Variants in MYO7A observed in about 807,000 individuals in gnomAD.
MYO7A encodes unconventional myosin-VIIa.
A neutral mutation model predicts 263.8 loss-of-function variants in MYO7A; 210 were observed. That is an observed-to-expected ratio of 0.80 (90% confidence interval 0.71 to 0.89). The LOEUF is 0.89. Among genes scored for constraint, MYO7A ranks in the 40% least tolerant of loss-of-function variants. The pLI is 0.00. For missense variants in MYO7A, 2,820 were observed against 2,968.3 expected, an observed-to-expected ratio of 0.95 and a Z score of 1.16; for synonymous variants, 1,239 against 1,197.3, an observed-to-expected ratio of 1.03 and a Z score of -0.72.
Position 77,202,238 on chromosome 11 carries a change from A to T in MYO7A, c.5044-62A>T. On this transcript the variant is annotated intron_variant, in intron 36 of 48. Coordinates refer to ENST00000409709, the MANE Select transcript of MYO7A (RefSeq NM_000260.4). ...AGTCCAGAAGGCTTCAGGGTATACCATGTTGATCCTGGTGGCCACAGGTAG... is the reference window on the plus strand; with the variant it reads ...AGTCCAGAAGGCTTCAGGGTATACCTTGTTGATCCTGGTGGCCACAGGTAG... 6 of 1,518,516 alleles carry T rather than the reference A, an allele frequency of 4.0e-6. No individual in the cohort carries two copies. In the East Asian group the frequency reaches 1.2e-4, roughly 31 times the overall value. The allele number at this position is 1,518,516 out of a possible 1,614,324, so 94.1% of individuals were successfully genotyped here. A position where few individuals can be genotyped will look rare whatever the true frequency, so the allele number is the denominator to read the frequency against.
At chr11:77,202,914 A>G (rs1957169728) in intron 37 of MYO7A, 146 bp from the exon 38 acceptor site, 1 of 1,049,968 alleles carries the variant, frequency 9.5e-7, no homozygotes, top group Middle Eastern at 3.2e-4. Context: ...CTCGGGTCAC[A>G]TGCAGGGCAG....
rs1328392144 is a variant in MYO7A, at chr11:77,156,707, A to G, written c.518A>G (p.Gln173Arg). Residue 173 changes from glutamine to arginine, a missense_variant, in exon 6 of 49, where the codon CAG becomes CGG. Coordinates refer to ENST00000409709, the MANE Select transcript of MYO7A (RefSeq NM_000260.4). ...ACGGAGAGCACAAAGCTGATCCTGC[A>G]GTTCCTGGCAGCCATCAGTGGGCAG... The part of the protein sequence containing the change: ...GKTESTKLIL[Q>R]FLAAISGQHS... The G allele has an allele frequency of 6.2e-7, 1 of 1,613,966 alleles. No homozygotes were observed. The highest frequency in any genetic ancestry group is 8.5e-7 in the Non-Finnish European group (1 of 1,179,892).
chr11:77,167,285 G>A (rs530770314), intron 15 of MYO7A, among the ~76,000 whole-genome samples: 2 of 152,128 alleles, frequency 1.3e-5, no homozygotes, highest in South Asian at 2.1e-4. Flanking sequence ...GGACTCGAAC[G>A]CAGGTCTCCT....
At chr11:77,210,056 T>C (rs1186020485) in intron 44 of MYO7A, among the ~76,000 whole-genome samples, 1 of 152,262 alleles carries the variant, frequency 6.6e-6, no homozygotes, top group Non-Finnish European at 1.5e-5. Flanking sequence ...TCAGCCATTT[T>C]ATCTTAAAGG....
At chr11:77,205,757 G>C in intron 40 of MYO7A, 140 bp downstream of exon 40, 1 of 1,184,810 alleles carries the variant, frequency 8.4e-7, no homozygotes, top group East Asian at 2.5e-5. Context: ...CAGCTAGACG[G>C]AGGTGCGGAT....
At chr11:77,133,280 T>G (rs782505374) in intron 2 of MYO7A, among the ~76,000 whole-genome samples, 1 of 152,174 alleles carries the variant, frequency 6.6e-6, no homozygotes, top group Non-Finnish European at 1.5e-5. Context: ...GTGGCACACC[T>G]GACTCACATC....
At chr11:77,159,752 A>G (rs1283615727) in intron 10 of MYO7A, among the ~76,000 whole-genome samples, 1 of 152,156 alleles carries the variant, frequency 6.6e-6, no homozygotes, top group Non-Finnish European at 1.5e-5. Context: ...GCTCTGGGCT[A>G]TGTGACCCTG....
At chr11:77,141,244 A>G (rs1463049714) in intron 2 of MYO7A, among the ~76,000 whole-genome samples, 1 of 152,208 alleles carries the variant, frequency 6.6e-6, no homozygotes, top group Non-Finnish European at 1.5e-5. Context: ...TGGGAACAAG[A>G]GGAGGCTGAA....
rs1442521658 is a variant in MYO7A at position 77,215,181 on chromosome 11, G to A, written c.*485G>A. 1 of 165,134 alleles carries A rather than the reference G, an allele frequency of 6.1e-6. No individual in the cohort carries two copies. Among genetic ancestry groups the A allele is most frequent in the Non-Finnish European group, 1.3e-5 (1 of 76,248 alleles). 10.2% of individuals were successfully genotyped at this position (165,134 alleles called of 1,614,324 possible). On this transcript the variant is annotated 3_prime_UTR_variant, in exon 49 of 49. Coordinates refer to ENST00000409709, the MANE Select transcript of MYO7A (RefSeq NM_000260.4). The stretch of plus-strand genomic sequence containing the variant: ...TTTCTATATTGCAGTGTGAATGCTG[G>A]GCCCCTGCTCAAGTCTACCCTGATC...
At position 77,157,343 on chromosome 11, in the gene MYO7A, A is replaced by G. The variant is rs1952578588; in HGVS notation, c.800A>G (p.Lys267Arg). The G allele has an allele frequency of 6.2e-7, 1 of 1,612,478 alleles. No individual in the cohort carries two copies. The highest frequency in any genetic ancestry group is 1.7e-5 in the Admixed American group (1 of 59,840). The change falls in exon 8 of 49, where the codon AAG becomes AGG. Residue 267 changes from lysine (K) to arginine (R), a missense_variant. Lys to Arg is a conservative substitution (Grantham distance 26). Transcript: ENST00000409709. ...CMLEGMSEDQ[K>R]KKLGLGQASD... ...CTGGAGGGTATGAGTGAGGATCAGA[A>G]GAAGAAGCTGGGCTTGGGCCAGGCC...
At chr11:77,189,253 G>A (rs1389515793) in intron 27 of MYO7A, 91 bp from the exon 28 acceptor site, 4 of 1,558,912 alleles carry the variant, frequency 2.6e-6, no homozygotes, top group Non-Finnish European at 3.5e-6. Flanking sequence ...GAGGACAGCT[G>A]TGTGGCGTCC....
At chr11:77,197,660 A>C in intron 33 of MYO7A, 62 bp downstream of exon 33, 1 of 1,007,700 alleles carries the variant, frequency 9.9e-7, no homozygotes, top group Non-Finnish European at 1.5e-6. Flanking sequence ...ACAGCCTACA[A>C]ATTCTCAGGT....
At chr11:77,149,025 C>A (rs1555055729) in intron 4 of MYO7A, among the ~76,000 whole-genome samples, 1 of 152,174 alleles carries the variant, frequency 6.6e-6, no homozygotes, top group Non-Finnish European at 1.5e-5. Context: ...TCTTGGACCC[C>A]CTAGGGGTCT....
intron 29 of MYO7A, 121 bp from the exon 30 acceptor site, chr11:77,190,576 G>GATGCTGGGGCCTGGA: frequency 6.2e-6 from 2 of 324,524 alleles, no homozygotes; most frequent in Non-Finnish European, 9.2e-6. Context: ...GTCCCAGTGA[G>GATGCTGGGGCCTGGA]GTACTGGGGC....
rs373118217 is a variant in MYO7A, at chr11:77,204,170, G to T, written c.5421G>T (p.Glu1807Asp). Residue 1807 changes from glutamate (E) to aspartate (D), a missense_variant, in exon 39 of 49, where the codon GAG becomes GAT. Glu to Asp is a conservative substitution (Grantham distance 45). Coordinates refer to ENST00000409709, the MANE Select transcript of MYO7A (RefSeq NM_000260.4). The part of the protein sequence containing the change: ...DQIFEGPLKA[E>D]PLKDEAYVQI... Reference sequence around the variant, plus strand: ...TCTTTGAGGGTCCCCTGAAAGCCGAGCCCCTGAAGGACGAGGCATATGTGC... The same window carrying T: ...TCTTTGAGGGTCCCCTGAAAGCCGATCCCCTGAAGGACGAGGCATATGTGC... The T allele has an allele frequency of 2.5e-6, 4 of 1,590,066 alleles. No individual in the cohort carries two copies. Among genetic ancestry groups the T allele is most frequent in the East Asian group, 4.6e-5 (2 of 43,394 alleles).
intron 3 of MYO7A, among the ~76,000 whole-genome samples, chr11:77,145,466 T>C (rs1026533253): frequency 2.0e-5 from 3 of 152,048 alleles, no homozygotes; most frequent in African/African-American, 7.2e-5. Context: ...TGAACTGTCA[T>C]GGGGAGGGAT....
At chr11:77,149,948 A>C (rs1951851373) in intron 4 of MYO7A, among the ~76,000 whole-genome samples, 1 of 152,010 alleles carries the variant, frequency 6.6e-6, no homozygotes, top group Non-Finnish European at 1.5e-5. Context: ...TCCACACCCC[A>C]GTTCTTGGCA....
rs111884793 is a variant in MYO7A at position 77,180,901 on chromosome 11, A to G, written c.2694+420A>G. Among the ~76,000 whole-genome samples the G allele has an allele frequency of 8.7e-3, 1,323 of 152,374 alleles. 20 individuals are homozygous for G. The highest frequency in any genetic ancestry group is 0.029 in the African/African-American group (1,222 of 41,578). ...TAGATTTTGAAGATTTGGTGGGGGAAAAATGAATATAAAATATCTCAGTAT... is the reference window on the plus strand; with the variant it reads ...TAGATTTTGAAGATTTGGTGGGGGAGAAATGAATATAAAATATCTCAGTAT... On this transcript the variant is annotated intron_variant, in intron 22 of 48. Transcript: ENST00000409709.
chr11:77,184,473 C>T, intron 26 of MYO7A, 115 bp from the exon 27 acceptor site: 4 of 863,762 alleles, frequency 4.6e-6, no homozygotes, highest in Non-Finnish European at 3.6e-6. Flanking sequence ...CCCAGTTCTT[C>T]TGCTCACTCC....
Sources: allele counts gnomAD v4.1 joint callset (sites outside exome capture counted in the v4.1 genomes callset), GRCh38; gene constraint gnomAD v4.1.1; transcripts MANE v1.5; gene names NCBI Gene and HGNC (gene_info 2026-07-23, HGNC 2026-07-21).